Variants in CFAP54 observed in about 807,000 individuals in gnomAD.
The protein encoded by CFAP54 is cilia and flagella associated protein 54.
A neutral mutation model predicts 370.4 loss-of-function variants in CFAP54; 290 were observed. The observed-to-expected ratio is 0.78, with a 90% CI of 0.71 to 0.86. The LOEUF (loss-of-function observed/expected upper bound fraction) is 0.86, where lower values mean the gene tolerates loss of function less well. Among genes scored for constraint, CFAP54 ranks in the 40% least tolerant of loss-of-function variants. The pLI is 0.00. For missense variants in CFAP54, 3,399 were observed against 3,528.7 expected (o/e 0.96, Z 0.93); for synonymous variants, 1,206 against 1,236.5 (o/e 0.98, Z 0.52).
At position 96,765,119 on chromosome 12, in the gene CFAP54, A is replaced by C; in HGVS notation, c.8182A>C (p.Lys2728Gln). 1 of 1,506,598 alleles carries C rather than the reference A, an allele frequency of 6.6e-7. No homozygotes were observed. Among genetic ancestry groups the C allele is most frequent in the Non-Finnish European group, 9.0e-7 (1 of 1,109,112 alleles). The allele number at this position is 1,506,598 out of a possible 1,614,324, so 93.3% of individuals were successfully genotyped here. A position where few individuals can be genotyped will look rare whatever the true frequency, so the allele number is the denominator to read the frequency against. Residue 2728 changes from lysine (K) to glutamine (Q), a missense_variant, in exon 60 of 68, where the codon AAG (lysine) becomes CAG (glutamine). By Grantham distance (53) the Lys-to-Gln change is moderately conservative (BLOSUM62 1). Transcript: ENST00000524981. ...VLAINLLIGK[K>Q]NTRMHKVNQV... ...GGCAATTAACTTACTTATTGGAAAGAAGAATACTAGAATGCATAAAGTTAA... is the reference window on the plus strand; with the variant it reads ...GGCAATTAACTTACTTATTGGAAAGCAGAATACTAGAATGCATAAAGTTAA...
At chr12:96,591,760 G>A (rs1298171043) in intron 23 of CFAP54, among the ~76,000 whole-genome samples, 8 of 149,766 alleles carry the variant, frequency 5.3e-5, no homozygotes, top group African/African-American at 1.5e-4. Flanking sequence ...GCATGGTGGC[G>A]CGTGCCTGTA....
intron 65 of CFAP54, among the ~76,000 whole-genome samples, chr12:96,826,893 T>C (rs2136753509): frequency 8.3e-6 from 1 of 120,998 alleles, no homozygotes; most frequent in East Asian, 2.2e-4. Context: ...TAATATTATA[T>C]GATATATTAT....
chr12:96,642,246 C>T (rs1050484660), intron 32 of CFAP54, among the ~76,000 whole-genome samples: 2 of 152,048 alleles, frequency 1.3e-5, no homozygotes, highest in African/African-American at 2.4e-5. Flanking sequence ...TTTTGAGCTA[C>T]TTCTTACCAC....
chr12:96,645,135 A>G (rs1042317790), intron 33 of CFAP54: 3 of 456,588 alleles, frequency 6.6e-6, no homozygotes, highest in Admixed American at 2.3e-5. Context: ...CCCAATGTCA[A>G]TTTTCTATCA....
intron 67 of CFAP54, among the ~76,000 whole-genome samples, chr12:96,864,009 C>T (rs1326582571): frequency 3.3e-5 from 5 of 151,870 alleles, no homozygotes; most frequent in Admixed American, 1.3e-4. Flanking sequence ...CTGTGCAAGG[C>T]GGTAAGGAAA....
chr12:96,733,171 A>G (rs1196472151), intron 50 of CFAP54, among the ~76,000 whole-genome samples: 1 of 152,194 alleles, frequency 6.6e-6, no homozygotes, highest in African/African-American at 2.4e-5. Context: ...AAACCTGCAA[A>G]AAACTTTGAT....
At position 96,772,475 on chromosome 12, in the gene CFAP54, C is replaced by A. The variant is rs981577344; in HGVS notation, c.8281+7257C>A. Among the ~76,000 whole-genome samples the A allele has an allele frequency of 7.9e-5, 12 of 152,298 alleles. No individual in the cohort carries two copies. In the East Asian group the frequency reaches 2.3e-3, roughly 29 times the overall value. ...ATCTCCAAATCTCTCTGACCCGAAA[C>A]ATACTCCTCTGACTTCGTTTCTGCA... is the stretch of plus-strand genomic sequence containing the variant. On this transcript the variant is annotated intron_variant, in intron 60 of 67. Transcript: ENST00000524981.
intron 50 of CFAP54, among the ~76,000 whole-genome samples, chr12:96,737,755 TG>T (rs1957997511): frequency 6.6e-6 from 1 of 152,168 alleles, no homozygotes; most frequent in Non-Finnish European, 1.5e-5. Flanking sequence ...CCCAAAGTGC[TG>T]GGATTACAGG....
At chr12:96,785,520 G>A (rs937866299) in intron 61 of CFAP54, among the ~76,000 whole-genome samples, 3 of 152,132 alleles carry the variant, frequency 2.0e-5, no homozygotes, top group African/African-American at 4.8e-5. Flanking sequence ...AACCAGAAGG[G>A]CAAATAGGCT....
chr12:96,787,935 CAG>C (rs1958645202), intron 62 of CFAP54, among the ~76,000 whole-genome samples: 1 of 146,448 alleles, frequency 6.8e-6, no homozygotes, highest in Non-Finnish European at 1.5e-5. Flanking sequence ...TTTTTTGAGA[CAG>C]AGTCTCTCTC....
chr12:96,874,103 A>G (rs1960230528), intron 67 of CFAP54, among the ~76,000 whole-genome samples: 1 of 152,182 alleles, frequency 6.6e-6, no homozygotes, highest in African/African-American at 2.4e-5. Flanking sequence ...TCCTGTAGCC[A>G]CCTGCCTACT....
intron 12 of CFAP54, among the ~76,000 whole-genome samples, chr12:96,536,948 A>G (rs978148940): frequency 1.3e-5 from 2 of 151,236 alleles, no homozygotes; most frequent in African/African-American, 2.4e-5. Context: ...TGTTTTGCTA[A>G]AATGATATAT....
At chr12:96,647,700 A>C (rs1956812112) in intron 33 of CFAP54, among the ~76,000 whole-genome samples, 175 bp from the exon 34 acceptor site, 1 of 152,092 alleles carries the variant, frequency 6.6e-6, no homozygotes. Flanking sequence ...ATTACATTGC[A>C]TAATTTTAAA....
chr12:96,535,810 A>G (rs1409005480), intron 12 of CFAP54, among the ~76,000 whole-genome samples: 1 of 152,004 alleles, frequency 6.6e-6, no homozygotes, highest in Non-Finnish European at 1.5e-5. Context: ...CCTTTTTGGG[A>G]AATTCTCAGG....
At chr12:96,671,819 G>A (rs1592700758) in intron 39 of CFAP54, among the ~76,000 whole-genome samples, 2 of 152,278 alleles carry the variant, frequency 1.3e-5, no homozygotes, top group South Asian at 4.1e-4. Context: ...CTACTCGGGA[G>A]GCTGAGGAAG....
At chr12:96,834,325 G>C (rs1565996853) in intron 66 of CFAP54, among the ~76,000 whole-genome samples, 1 of 152,244 alleles carries the variant, frequency 6.6e-6, no homozygotes, top group East Asian at 1.9e-4. Flanking sequence ...GGCTAGTGGT[G>C]CCTTTGCCCA....
intron 26 of CFAP54, among the ~76,000 whole-genome samples, chr12:96,599,995 A>G (rs1403284329): frequency 6.6e-6 from 1 of 151,586 alleles, no homozygotes; most frequent in Non-Finnish European, 1.5e-5. Context: ...GCTGTGCAGA[A>G]GTTCTTTAAT....
intron 44 of CFAP54, 120 bp from the exon 45 acceptor site, chr12:96,693,602 A>T (rs1957411333): frequency 3.3e-6 from 2 of 601,396 alleles, no homozygotes; most frequent in Admixed American, 5.9e-5. Context: ...ATAGTTTCCT[A>T]GCATGGAAAG....
At chr12:96,804,107 T>G (rs903139256) in intron 63 of CFAP54, among the ~76,000 whole-genome samples, 5 of 152,082 alleles carry the variant, frequency 3.3e-5, no homozygotes, top group Non-Finnish European at 7.4e-5. Context: ...ACTTGAAAGC[T>G]TTAGTGACAC....
Sources: allele counts gnomAD v4.1 joint callset (sites outside exome capture counted in the v4.1 genomes callset), GRCh38; gene constraint gnomAD v4.1.1; transcripts MANE v1.5; gene names NCBI Gene and HGNC (gene_info 2026-07-23, HGNC 2026-07-21).